KDELR2: variants seen among roughly 807,000 people sequenced by gnomAD.
KDELR2 encodes the protein KDEL endoplasmic reticulum protein retention receptor 2, also known as ER lumen protein-retaining receptor 2.
In KDELR2, 15 loss-of-function variants were observed where a neutral mutation model predicts 23.9. The ratio of observed to expected loss-of-function variants is 0.63; its 90% confidence interval spans 0.42 to 0.97. The LOEUF is 0.97. Ranked by LOEUF, KDELR2 falls within the 50% of genes least tolerant of loss-of-function variation. The probability of loss-of-function intolerance (pLI) is 0.00; values close to 1 mark genes in which losing one functional copy is unlikely to be tolerated. For missense variants in KDELR2, 272 were observed against 254.6 expected (o/e 1.07, Z -0.46); for synonymous variants, 119 against 106.2 (o/e 1.12, Z -0.74).
rs1785976887 is a variant in KDELR2 at position 6,484,038 on chromosome 7, G to A, written c.20C>T (p.Thr7Ile). The A allele has an allele frequency of 1.3e-6, 2 of 1,522,698 alleles. No individual in the cohort carries two copies. The highest frequency in any genetic ancestry group is 2.0e-5 in the Admixed American group (1 of 50,722). 94.3% of individuals were successfully genotyped at this position (1,522,698 alleles called of 1,614,324 possible). ...GGCCGCCAGGTGGGACAGGTCCCCA[G>A]TCAGCCGGAAAATGTTCATGGCGGC... MNIFRL[T>I]GDLSHLAAIV... The change falls in exon 1 of 5, where the codon ACT becomes ATT. Residue 7 changes from threonine (T) to isoleucine (I), a missense_variant. Transcript: ENST00000258739.
chr7:6,464,197 C>CAAAA (rs758537707), intron 4 of KDELR2, among the ~76,000 whole-genome samples: 13 of 38,764 alleles, frequency 3.4e-4, no homozygotes, highest in Admixed American at 4.6e-4. Flanking sequence ...AACTCTGTCT[C>CAAAA]AAAAAAAAAA....
chr7:6,483,672 C>T (rs1431378912), intron 1 of KDELR2, among the ~76,000 whole-genome samples: 2 of 152,242 alleles, frequency 1.3e-5, no homozygotes, highest in Admixed American at 1.3e-4. Context: ...CCCCCCGTCC[C>T]ACGCCAACTT....
At position 6,462,964 on chromosome 7, in the gene KDELR2, C is replaced by T; in HGVS notation, c.*177G>A. On this transcript the variant is annotated 3_prime_UTR_variant, in exon 5 of 5. Coordinates refer to ENST00000258739, the MANE Select transcript of KDELR2 (RefSeq NM_006854.4). ...TAATAAAAAAAGATAAGGCAAGATG[C>T]ATTAAACAGAAACCTTCTGGCTCTT... is the stretch of plus-strand genomic sequence containing the variant. 1 of 1,611,082 alleles carries T rather than the reference C, an allele frequency of 6.2e-7. No individual in the cohort carries two copies. The highest frequency in any genetic ancestry group is 1.1e-5 in the South Asian group (1 of 90,588).
In KDELR2 at chr7:6,462,710, A is replaced by C; in HGVS notation, c.*431T>G. Reference sequence around the variant, plus strand: ...TTTGCCAAAAAATAAATATAGTGGAATGCAAGTTTGAGGGATGGAAGAATA... The same window carrying C: ...TTTGCCAAAAAATAAATATAGTGGACTGCAAGTTTGAGGGATGGAAGAATA... On this transcript the variant is annotated 3_prime_UTR_variant, in exon 5 of 5. Transcript: ENST00000258739. 1 of 343,454 alleles carries C rather than the reference A, an allele frequency of 2.9e-6. No homozygotes were observed. Among genetic ancestry groups the C allele is most frequent in the African/African-American group, 2.1e-5 (1 of 46,754 alleles). The allele number at this position is 343,454 out of a possible 1,614,324, so 21.3% of individuals were successfully genotyped here.
At chr7:6,476,682 T>A (rs1314764412) in intron 1 of KDELR2, among the ~76,000 whole-genome samples, 3 of 152,182 alleles carry the variant, frequency 2.0e-5, no homozygotes, top group Non-Finnish European at 4.4e-5. Flanking sequence ...CCAGCCCCCG[T>A]GGGGACCCAG....
At chr7:6,482,432 A>T in intron 1 of KDELR2, 1 of 320,106 alleles carries the variant, frequency 3.1e-6, no homozygotes, top group Non-Finnish European at 6.7e-6. Context: ...GAAATCATAC[A>T]GTTGAACCTC....
intron 4 of KDELR2, among the ~76,000 whole-genome samples, chr7:6,465,405 G>A (rs919619546): frequency 1.3e-5 from 2 of 151,012 alleles, no homozygotes; most frequent in Admixed American, 6.6e-5. Context: ...GGATGGTCTC[G>A]ATCTCCTGAC....
intron 1 of KDELR2, among the ~76,000 whole-genome samples, chr7:6,480,220 A>C (rs1785860028): frequency 6.6e-6 from 1 of 152,226 alleles, no homozygotes. Context: ...CACACTACTA[A>C]TAGACACAGC....
At position 6,484,128 on chromosome 7, in the gene KDELR2, C is replaced by CCT; in HGVS notation, c.-73_-72dup. On this transcript the variant is annotated 5_prime_UTR_variant, in exon 1 of 5. Coordinates refer to ENST00000258739, the MANE Select transcript of KDELR2 (RefSeq NM_006854.4). Reference sequence around the variant, plus strand: ...CTGGGCGGCTCAGGAGGCGGCGGCCCCTGAGAGGAAGCGGCGAAGATGGCG... The same window carrying CCT: ...CTGGGCGGCTCAGGAGGCGGCGGCCCCTCTGAGAGGAAGCGGCGAAGATGGCG... 1 of 1,180,716 alleles carries CCT rather than the reference C, an allele frequency of 8.5e-7. No homozygotes were observed. The highest frequency in any genetic ancestry group is 1.1e-6 in the Non-Finnish European group (1 of 933,182). The allele number at this position is 1,180,716 out of a possible 1,614,324, so 73.1% of individuals were successfully genotyped here.
At position 6,466,327 on chromosome 7, in the gene KDELR2, G is replaced by A. The variant is rs1181158311; in HGVS notation, c.352-4C>T. On this transcript the variant is annotated splice_polypyrimidine_tract_variant and splice_region_variant and intron_variant, in intron 3 of 4. Coordinates refer to ENST00000258739, the MANE Select transcript of KDELR2 (RefSeq NM_006854.4). Reference sequence around the variant, plus strand: ...AGATGGAGAAGGTCCAGAGGATCTGGAAGAGAAATGGCAAGCTTCCATCAC... The same window carrying A: ...AGATGGAGAAGGTCCAGAGGATCTGAAAGAGAAATGGCAAGCTTCCATCAC... 2 of 1,612,590 alleles carry A rather than the reference G, an allele frequency of 1.2e-6. No individual in the cohort carries two copies. The highest frequency in any genetic ancestry group is 1.3e-5 in the African/African-American group (1 of 74,958).
Position 6,463,273 on chromosome 7 carries a change from T to G in KDELR2, c.605-98A>C. 3 of 888,296 alleles carry G rather than the reference T, an allele frequency of 3.4e-6. No homozygotes were observed. In the South Asian group the frequency reaches 4.7e-5, roughly 14 times the overall value. 55.0% of individuals were successfully genotyped at this position (888,296 alleles called of 1,614,324 possible). A position where few individuals can be genotyped will look rare whatever the true frequency, so the allele number is the denominator to read the frequency against. On this transcript the variant is annotated intron_variant, in intron 4 of 4. Transcript: ENST00000258739. ...TCCTAGAAGTCTCCCACACACAAGA[T>G]TCTACATAGTAAGGTATAGGAAATA...
In KDELR2 at chr7:6,484,077, G is replaced by A; in HGVS notation, c.-20C>T. ...GTTCATGGCGGCGGCGGCGGTGGCG[G>A]TCGGCGCAGCGCGGCGGCCCCGGGG... On this transcript the variant is annotated 5_prime_UTR_variant, in exon 1 of 5. Coordinates refer to ENST00000258739, the MANE Select transcript of KDELR2 (RefSeq NM_006854.4). 2 of 1,466,972 alleles carry A rather than the reference G, an allele frequency of 1.4e-6. No individual in the cohort carries two copies. The highest frequency in any genetic ancestry group is 1.3e-5 in the South Asian group (1 of 76,972). The allele number at this position is 1,466,972 out of a possible 1,614,324, so 90.9% of individuals were successfully genotyped here. A position where few individuals can be genotyped will look rare whatever the true frequency, so the allele number is the denominator to read the frequency against.
intron 1 of KDELR2, among the ~76,000 whole-genome samples, chr7:6,480,711 T>C (rs1785871224): frequency 6.6e-6 from 1 of 152,168 alleles, no homozygotes; most frequent in South Asian, 2.1e-4. Context: ...AGAAACACAA[T>C]CTGGATGCAC....
Position 6,484,020 on chromosome 7 carries a change from A to G in KDELR2, c.38T>C (p.Leu13Pro). The change falls in exon 1 of 5, where the codon CTG (leucine) becomes CCG (proline). Residue 13 changes from leucine to proline, a missense_variant. By Grantham distance (98) the Leu-to-Pro change is moderately conservative (BLOSUM62 -3). Transcript: ENST00000258739. ...IFRLTGDLSH[L>P]AAIVILLLKI... is the part of the protein sequence containing the mutation. ...CAGCAGCAGGATGACGATGGCCGCC[A>G]GGTGGGACAGGTCCCCAGTCAGCCG... is the stretch of plus-strand genomic sequence containing the variant. 2.0e-6 allele frequency: 3 copies of G among 1,527,004 alleles called. No homozygotes were observed. The highest frequency in any genetic ancestry group is 2.8e-5 in the East Asian group (1 of 35,630). 94.6% of individuals were successfully genotyped at this position (1,527,004 alleles called of 1,614,324 possible). A position where few individuals can be genotyped will look rare whatever the true frequency, so the allele number is the denominator to read the frequency against.
chr7:6,462,504 C>T lies in KDELR2; in HGVS notation c.*637G>A, dbSNP rs78553779. The T allele has an allele frequency of 8.3e-3, 1,321 of 159,806 alleles. 18 individuals carry two copies. Among genetic ancestry groups the T allele is most frequent in the African/African-American group, 0.03 (1,234 of 41,600 alleles). 9.9% of individuals were successfully genotyped at this position (159,806 alleles called of 1,614,324 possible). A position where few individuals can be genotyped will look rare whatever the true frequency, so the allele number is the denominator to read the frequency against. On this transcript the variant is annotated 3_prime_UTR_variant, in exon 5 of 5. Coordinates refer to ENST00000258739, the MANE Select transcript of KDELR2 (RefSeq NM_006854.4). Reference sequence around the variant, plus strand: ...TGGTGACTCTTCAGTGAGACTCCATCGACATTCAGAATCTTAAAATGTTGG... The same window carrying T: ...TGGTGACTCTTCAGTGAGACTCCATTGACATTCAGAATCTTAAAATGTTGG...
chr7:6,465,451 C>T (rs1210077979), intron 4 of KDELR2, among the ~76,000 whole-genome samples: 5 of 149,386 alleles, frequency 3.3e-5, no homozygotes, highest in African/African-American at 5.0e-5. Context: ...CCAAAGTGCT[C>T]GATTACAGGC....
chr7:6,466,862 G>A (rs1785514310), intron 3 of KDELR2, among the ~76,000 whole-genome samples: 1 of 152,120 alleles, frequency 6.6e-6, no homozygotes, highest in Non-Finnish European at 1.5e-5. Flanking sequence ...AGCTTGGGCA[G>A]TAATGTGAGT....
intron 3 of KDELR2, among the ~76,000 whole-genome samples, chr7:6,467,540 C>T (rs1045760795): frequency 9.2e-5 from 14 of 152,124 alleles, no homozygotes; most frequent in African/African-American, 2.4e-5. Context: ...ACAGGCAGAT[C>T]ACCTGAGATC....
intron 3 of KDELR2, among the ~76,000 whole-genome samples, chr7:6,468,591 C>T (rs189069998): frequency 0.016 from 2,385 of 152,266 alleles, 62 homozygotes; most frequent in African/African-American, 0.054. Flanking sequence ...CTGCAAGCTC[C>T]GCCTCCCAGG....
Sources: gnomAD v4.1 joint callset for allele counts (sites outside exome capture counted in the v4.1 genomes callset) on GRCh38, gnomAD v4.1.1 for gene constraint, MANE v1.5 for transcripts, NCBI Gene and HGNC (gene_info 2026-07-23, HGNC 2026-07-21) for gene names.